SPAG16: variants seen among roughly 807,000 people sequenced by gnomAD.
SPAG16 encodes sperm associated antigen 16, also known as sperm-associated antigen 16 protein.
SPAG16 carries 86 observed loss-of-function variants against 80.4 expected under a neutral mutation model. The ratio of observed to expected loss-of-function variants is 1.07; its 90% CI spans 0.90 to 1.28. The LOEUF (loss-of-function observed/expected upper bound fraction) is 1.28. Ranked by LOEUF, SPAG16 falls within the 50% of genes most tolerant of loss-of-function variation. The pLI is 0.00. For missense variants in SPAG16, 870 were observed against 765.3 expected (o/e 1.14, Z -1.61); for synonymous variants, 294 against 265.9 (o/e 1.11, Z -1.03).
intron 11 of SPAG16, among the ~76,000 whole-genome samples, chr2:213,873,823 G>T (rs2076040445): frequency 6.6e-6 from 1 of 151,886 alleles, no homozygotes; most frequent in African/African-American, 2.4e-5. Flanking sequence ...TTTGATAAAT[G>T]CATCATTAGG....
chr2:213,348,275 G>C (rs1173602103), intron 6 of SPAG16, among the ~76,000 whole-genome samples: 1 of 152,054 alleles, frequency 6.6e-6, no homozygotes, highest in East Asian at 1.9e-4. Context: ...GTGTGTCTCT[G>C]CATGTGAGAT....
chr2:213,733,164 G>A (rs528447687), intron 10 of SPAG16, among the ~76,000 whole-genome samples: 9 of 151,688 alleles, frequency 5.9e-5, no homozygotes, highest in South Asian at 2.1e-4. Context: ...TATTGGCTGC[G>A]AGTATGTCTG....
rs199752609 is a variant in SPAG16 at position 214,362,956 on chromosome 2, T to A, written c.1721-47184T>A. On this transcript the variant is annotated intron_variant, in intron 15 of 15. Transcript: ENST00000331683. ...GTCATTTCCATCTCTAAAGTTCCAT[T>A]GATTCATATTTGTCTTCCTTCAATG... 2.0e-5 allele frequency among the ~76,000 whole-genome samples: 3 copies of A among 152,100 alleles called. No homozygotes were observed. In the East Asian group the frequency reaches 5.8e-4, roughly 29 times the overall value.
intron 5 of SPAG16, among the ~76,000 whole-genome samples, chr2:213,336,227 T>C (rs899077213): frequency 2.0e-5 from 3 of 152,146 alleles, no homozygotes; most frequent in Admixed American, 2.0e-4. Flanking sequence ...ACCAGGGCCT[T>C]GGGTCCCAAG....
chr2:213,373,631 G>T (rs1006879597), intron 8 of SPAG16, among the ~76,000 whole-genome samples: 5 of 152,052 alleles, frequency 3.3e-5, no homozygotes, highest in Admixed American at 6.6e-5. Context: ...TGCTACATGA[G>T]ATCTGCTTAT....
chr2:214,250,730 T>TGA (rs1198156882), intron 15 of SPAG16, among the ~76,000 whole-genome samples: 6 of 104,164 alleles, frequency 5.8e-5, no homozygotes, highest in Admixed American at 1.1e-4. Context: ...AAAGGAGCTT[T>TGA]GAGATATATA....
intron 11 of SPAG16, among the ~76,000 whole-genome samples, chr2:213,889,958 A>G (rs1483709048): frequency 6.6e-6 from 1 of 152,004 alleles, no homozygotes; most frequent in East Asian, 1.9e-4. Context: ...AAAATTGTTG[A>G]GGAATAATTT....
At chr2:213,940,230 C>T (rs982291221) in intron 12 of SPAG16, among the ~76,000 whole-genome samples, 5 of 152,026 alleles carry the variant, frequency 3.3e-5, no homozygotes, top group Non-Finnish European at 5.9e-5. Context: ...CTGATGGTTC[C>T]AATTTTAGAG....
chr2:214,197,895 G>A (rs1223818737), intron 15 of SPAG16, among the ~76,000 whole-genome samples: 3 of 151,220 alleles, frequency 2.0e-5, no homozygotes, highest in Non-Finnish European at 2.9e-5. Flanking sequence ...TTATCATATC[G>A]ATTCTCACTC....
intron 15 of SPAG16, among the ~76,000 whole-genome samples, chr2:214,207,988 C>G (rs2058192861): frequency 6.6e-6 from 1 of 152,196 alleles, no homozygotes. Context: ...AGCTTCCCTA[C>G]TTTTGAGGTT....
At chr2:213,353,864 C>A (rs1025818022) in intron 7 of SPAG16, among the ~76,000 whole-genome samples, 5 of 152,006 alleles carry the variant, frequency 3.3e-5, no homozygotes, top group African/African-American at 4.8e-5. Context: ...TAAAAATATC[C>A]CAATTTAGAA....
At position 214,021,081 on chromosome 2, in the gene SPAG16, A is replaced by T. The variant is rs151056287; in HGVS notation, c.1527+7004A>T. ...CTGTTGGCAAATGCCTATTATCACAAAAAAGGTCAACAAATTAGGAATATT... is the reference window on the plus strand; with the variant it reads ...CTGTTGGCAAATGCCTATTATCACATAAAAGGTCAACAAATTAGGAATATT... On this transcript the variant is annotated intron_variant, in intron 13 of 15. Coordinates refer to ENST00000331683, the MANE Select transcript of SPAG16 (RefSeq NM_024532.5). 3.5e-3 allele frequency among the ~76,000 whole-genome samples: 527 copies of T among 152,312 alleles called. 2 individuals carry two copies. Among genetic ancestry groups the T allele is most frequent in the Non-Finnish European group, 5.7e-3 (386 of 68,028 alleles).
At chr2:214,174,859 G>T (rs1012247471) in intron 15 of SPAG16, among the ~76,000 whole-genome samples, 11 of 151,552 alleles carry the variant, frequency 7.3e-5, no homozygotes. Context: ...CCACTACTAG[G>T]GCCAGAGGCC....
intron 15 of SPAG16, among the ~76,000 whole-genome samples, chr2:214,373,161 GA>G (rs536163758): frequency 2.0e-5 from 3 of 152,048 alleles, no homozygotes; most frequent in African/African-American, 4.8e-5. Flanking sequence ...AATTGCTTCA[GA>G]AAAAAATTGC....
chr2:213,354,878 T>G (rs1272888352), intron 7 of SPAG16, among the ~76,000 whole-genome samples: 2 of 152,204 alleles, frequency 1.3e-5, no homozygotes, highest in African/African-American at 4.8e-5. Flanking sequence ...TTAGATCCCA[T>G]TTGTCAATTT....
intron 10 of SPAG16, among the ~76,000 whole-genome samples, chr2:213,660,365 G>A (rs1490615058): frequency 6.6e-6 from 1 of 151,848 alleles, no homozygotes; most frequent in Non-Finnish European, 1.5e-5. Flanking sequence ...TGCCTCCTGG[G>A]TGCAAGCAAT....
intron 10 of SPAG16, among the ~76,000 whole-genome samples, chr2:213,610,070 C>A (rs1274171006): frequency 6.6e-6 from 1 of 151,894 alleles, no homozygotes; most frequent in African/African-American, 2.4e-5. Context: ...TATTTAAATA[C>A]CCCTGCCATT....
intron 10 of SPAG16, among the ~76,000 whole-genome samples, chr2:213,565,265 T>C (rs956335048): frequency 2.1e-4 from 32 of 152,348 alleles, no homozygotes; most frequent in Middle Eastern, 3.4e-3. Context: ...TATAAGAGCA[T>C]TGGAGACATT....
At chr2:213,667,477 C>T (rs1422118480) in intron 10 of SPAG16, among the ~76,000 whole-genome samples, 1 of 152,040 alleles carries the variant, frequency 6.6e-6, no homozygotes, top group African/African-American at 2.4e-5. Flanking sequence ...TAAAACAGTC[C>T]CAATATCTAC....
Sources: gnomAD v4.1 joint callset for allele counts (sites outside exome capture counted in the v4.1 genomes callset) on GRCh38, gnomAD v4.1.1 for gene constraint, MANE v1.5 for transcripts, NCBI Gene and HGNC (gene_info 2026-07-23, HGNC 2026-07-21) for gene names.